Variants in DECR1 observed in about 807,000 individuals in gnomAD.
DECR1 encodes the protein 2,4-dienoyl-CoA reductase [(3E)-enoyl-CoA-producing], mitochondrial.
A neutral mutation model predicts 38.8 loss-of-function variants in DECR1; 44 were observed. The ratio of observed to expected loss-of-function variants is 1.13; its 90% confidence interval spans 0.89 to 1.46. The LOEUF (loss-of-function observed/expected upper bound fraction) is 1.46, where lower values mean the gene tolerates loss of function less well. Ranked by LOEUF, DECR1 falls within the 40% of genes most tolerant of loss-of-function variation. The pLI is 0.00. For missense variants in DECR1, 428 were observed against 405.5 expected, an observed-to-expected ratio of 1.06 and a Z score of -0.48; for synonymous variants, 148 against 135.2, an observed-to-expected ratio of 1.09 and a Z score of -0.66.
At chr8:90,044,708 T>C in intron 7 of DECR1, 141 bp from the exon 8 acceptor site, 2 of 742,246 alleles carry the variant, frequency 2.7e-6, no homozygotes, top group Non-Finnish European at 4.1e-6. Context: ...TAAGAATAAT[T>C]TGGTGAAATT....
At chr8:90,009,977 G>A (rs1412171254) in intron 1 of DECR1, among the ~76,000 whole-genome samples, 5 of 152,222 alleles carry the variant, frequency 3.3e-5, no homozygotes, top group Non-Finnish European at 7.3e-5. Context: ...GATACAAAAT[G>A]TATCATTCCT....
chr8:90,021,613 A>T (rs1214804481), intron 5 of DECR1, among the ~76,000 whole-genome samples: 4 of 152,212 alleles, frequency 2.6e-5, no homozygotes, highest in African/African-American at 9.7e-5. Flanking sequence ...ATGCGACTTG[A>T]TTGGAAAGGT....
chr8:90,044,251 C>T (rs1211806845), intron 7 of DECR1, among the ~76,000 whole-genome samples: 1 of 152,144 alleles, frequency 6.6e-6, no homozygotes, highest in African/African-American at 2.4e-5. Flanking sequence ...AGGAAAACTG[C>T]CACCTAAACT....
chr8:90,005,731 G>C (rs1325482682), intron 1 of DECR1: 1 of 307,684 alleles, frequency 3.3e-6, no homozygotes, highest in Non-Finnish European at 6.4e-6. Context: ...CCTGAGGCTG[G>C]GTAATTTATA....
rs149423653 is a variant in DECR1 at position 90,044,854 on chromosome 8, C to G, written c.744C>G (p.Ala248=). 3.4e-5 allele frequency: 54 copies of G among 1,609,808 alleles called. No individual in the cohort carries two copies. The highest frequency in any genetic ancestry group is 4.3e-5 in the Non-Finnish European group (51 of 1,178,178). The change falls in exon 8 of 10, where the codon GCC becomes GCG. Residue 248 remains alanine, a synonymous_variant. Coordinates refer to ENST00000220764, the MANE Select transcript of DECR1 (RefSeq NM_001359.2). Reference sequence around the variant, plus strand: ...TTGTTTTCTTAATTTCTAAGGGTGCCTTTAGCCGTCTGGACCCAACTGGAA... The same window carrying G: ...TTGTTTTCTTAATTTCTAAGGGTGCGTTTAGCCGTCTGGACCCAACTGGAA... ...IQPGPIKTKG[A]FSRLDPTGTF...
In DECR1 at chr8:90,021,009, C is replaced by T. The variant is rs774205872; in HGVS notation, c.518C>T (p.Ala173Val). 13 of 1,594,998 alleles carry T rather than the reference C, an allele frequency of 8.2e-6. No individual in the cohort carries two copies. In the East Asian group the frequency reaches 1.8e-4, roughly 22 times the overall value. ...ACTGACATAGTTCTAAATGGCACAG[C>T]CTTCGTGACACTAGAAATTGGAAAA... ...TITDIVLNGTAFVTLEIGKQL... is the reference protein window; with the variant it reads ...TITDIVLNGTVFVTLEIGKQL... The change falls in exon 5 of 10, where the codon GCC becomes GTC. Residue 173 changes from alanine to valine, a missense_variant. Physicochemically the swap from Ala to Val is moderately conservative, Grantham distance 64. Transcript: ENST00000220764.
chr8:90,048,831 G>C (rs1487206841), intron 8 of DECR1, among the ~76,000 whole-genome samples: 22 of 152,222 alleles, frequency 1.4e-4, no homozygotes, highest in Admixed American at 8.5e-4. Flanking sequence ...CATCAAAAAG[G>C]TTATCCACCA....
At chr8:90,022,231 T>C (rs1044632210) in intron 5 of DECR1, among the ~76,000 whole-genome samples, 13 of 152,212 alleles carry the variant, frequency 8.5e-5, no homozygotes, top group African/African-American at 3.1e-4. Context: ...TTCCTCCCTC[T>C]GTTCAGAAAC....
At chr8:90,045,152 C>G (rs1236762055) in intron 8 of DECR1, 157 bp downstream of exon 8, 4 of 534,122 alleles carry the variant, frequency 7.5e-6, no homozygotes, top group East Asian at 8.9e-5. Context: ...ATTGTTTAGC[C>G]TATGACATTT....
intron 1 of DECR1, chr8:90,005,966 A>T (rs1053481825): frequency 3.3e-5 from 17 of 514,400 alleles, no homozygotes; most frequent in Admixed American, 2.3e-4. Context: ...GGGTGTTGGG[A>T]GGTGCCAGGT....
At chr8:90,005,551 A>G (rs73696854) in intron 1 of DECR1, 4,290 of 419,310 alleles carry the variant, frequency 0.01, 146 homozygotes, top group African/African-American at 0.077. Context: ...GCGGACTTAC[A>G]TAACTCTGGA....
At chr8:90,009,929 G>A (rs1206983235) in intron 1 of DECR1, among the ~76,000 whole-genome samples, 1 of 152,178 alleles carries the variant, frequency 6.6e-6, no homozygotes, top group Non-Finnish European at 1.5e-5. Context: ...ACACCCTATG[G>A]CATAGAGCAC....
At chr8:90,006,438 A>T (rs1224681634) in intron 1 of DECR1, among the ~76,000 whole-genome samples, 1 of 152,180 alleles carries the variant, frequency 6.6e-6, no homozygotes, top group Non-Finnish European at 1.5e-5. Context: ...GAGAGTGGGG[A>T]GGCAGGAGGT....
At chr8:90,036,049 A>G (rs7813356) in intron 5 of DECR1, among the ~76,000 whole-genome samples, 16,475 of 151,900 alleles carry the variant, frequency 0.11, 2,786 homozygotes, top group African/African-American at 0.36. Context: ...GCTTCCTAGT[A>G]GTTGTTCTTT....
At chr8:90,013,399 G>GTTTTTTTTTTTTT (rs57505716) in intron 1 of DECR1, among the ~76,000 whole-genome samples, 64 of 77,948 alleles carry the variant, frequency 8.2e-4, no homozygotes, top group East Asian at 1.4e-3. Flanking sequence ...CTCTTCTTTC[G>GTTTTTTTTTTTTT]TTTTTTTTTT....
At chr8:90,047,749 T>C (rs1813949512) in intron 8 of DECR1, among the ~76,000 whole-genome samples, 1 of 152,148 alleles carries the variant, frequency 6.6e-6, no homozygotes, top group Admixed American at 6.5e-5. Context: ...TAGCACCACA[T>C]CTCACTTATT....
At position 90,020,912 on chromosome 8, in the gene DECR1, G is replaced by A; in HGVS notation, c.421G>A (p.Val141Met). Reference sequence around the variant, plus strand: ...ACTTGCCTTGTTCATTTATTAGATTGTGATAAACAATGCAGCAGGGAATTT... The same window carrying A: ...ACTTGCCTTGTTCATTTATTAGATTATGATAAACAATGCAGCAGGGAATTT... ...LIKVAGHPNI[V>M]INNAAGNFIS... Residue 141 changes from valine (V) to methionine (M), a missense_variant, in exon 5 of 10, where the codon GTG (valine) becomes ATG (methionine). Physicochemically the swap from Val to Met is conservative, Grantham distance 21. Transcript: ENST00000220764. The A allele has an allele frequency of 6.4e-7, 1 of 1,557,192 alleles. No homozygotes were observed. Among genetic ancestry groups the A allele is most frequent in the Non-Finnish European group, 8.6e-7 (1 of 1,158,658 alleles).
At chr8:90,010,078 T>G (rs1334616201) in intron 1 of DECR1, among the ~76,000 whole-genome samples, 2 of 152,198 alleles carry the variant, frequency 1.3e-5, no homozygotes, top group African/African-American at 4.8e-5. Context: ...TTCTTTTATA[T>G]TTGTTTAGCC....
chr8:90,028,900 A>T (rs1249433541), intron 5 of DECR1, among the ~76,000 whole-genome samples: 2 of 152,106 alleles, frequency 1.3e-5, no homozygotes, highest in Non-Finnish European at 2.9e-5. Context: ...TCCCATTTAT[A>T]GACATGGGTG....
Sources: allele counts gnomAD v4.1 joint callset (sites outside exome capture counted in the v4.1 genomes callset), GRCh38; gene constraint gnomAD v4.1.1; transcripts MANE v1.5; gene names NCBI Gene and HGNC (gene_info 2026-07-23, HGNC 2026-07-21).